Variants in HHIPL1 observed in about 807,000 individuals in gnomAD.
HHIPL1 encodes HHIP-like protein 1.
HHIPL1 carries 43 observed loss-of-function variants against 61.8 expected under a neutral mutation model. The observed-to-expected ratio is 0.70, with a 90% confidence interval of 0.55 to 0.90. HHIPL1 has a LOEUF of 0.90. Ranked by LOEUF, HHIPL1 falls within the 40% of genes least tolerant of loss-of-function variation. The pLI is 0.00. For synonymous variants in HHIPL1, 482 were observed against 515.8 expected, an observed-to-expected ratio of 0.93 and a Z score of 0.89; for missense variants, 1,056 against 1,157.7, an observed-to-expected ratio of 0.91 and a Z score of 1.28.
At chr14:99,653,234 CGGGG>C (rs1426880148) in intron 2 of HHIPL1, among the ~76,000 whole-genome samples, 1 of 152,162 alleles carries the variant, frequency 6.6e-6, no homozygotes, top group African/African-American at 2.4e-5. Context: ...TTGGGTCACA[CGGGG>C]AGGGAGGGTC....
the HHIPL1 span, among the ~76,000 whole-genome samples, chr14:99,617,693 G>C: frequency 1.3e-5 from 2 of 152,156 alleles, no homozygotes; most frequent in Admixed American, 6.5e-5. Context: ...CAAGTAAGGA[G>C]GGCGAGAAAT....
At chr14:99,624,479 C>G in the HHIPL1 span, among the ~76,000 whole-genome samples, 1 of 152,304 alleles carries the variant, frequency 6.6e-6, no homozygotes, top group South Asian at 2.1e-4. Flanking sequence ...CTTACCAACT[C>G]CCATATGGTC....
the HHIPL1 span, among the ~76,000 whole-genome samples, chr14:99,609,602 A>T: frequency 2.4e-3 from 358 of 152,290 alleles, 2 homozygotes; most frequent in African/African-American, 8.3e-3. Context: ...CAACTCCCAC[A>T]TTTATAGGTG....
the HHIPL1 span, among the ~76,000 whole-genome samples, chr14:99,611,741 GTT>G: frequency 1.5e-4 from 22 of 147,428 alleles, no homozygotes; most frequent in East Asian, 5.9e-4. Context: ...TTTTTGGGTT[GTT>G]TTTTTTTTTT....
chr14:99,675,310 C>T lies in HHIPL1; in HGVS notation c.2033C>T (p.Pro678Leu). Residue 678 changes from proline to leucine, a missense_variant, in exon 9 of 9, where the codon CCC (proline) becomes CTC (leucine). Pro to Leu is a moderately conservative substitution (Grantham distance 98). Coordinates refer to ENST00000330710, the MANE Select transcript of HHIPL1 (RefSeq NM_001127258.3). This position sits in a 1 kb window ranked among gnomAD's most constrained non-coding sequence, Gnocchi z 5.4. Reference protein sequence around the residue: ...FRDGEVRLVRPAGLSSGSGRV... With the variant: ...FRDGEVRLVRLAGLSSGSGRV... ...GATGGCGAGGTGCGCCTGGTGCGGC[C>T]CGCGGGCCTGAGCTCTGGCAGCGGG... The T allele has an allele frequency of 7.4e-7, 1 of 1,353,180 alleles. No homozygotes were observed. The highest frequency in any genetic ancestry group is 3.1e-5 in the East Asian group (1 of 32,360). 83.8% of individuals were successfully genotyped at this position (1,353,180 alleles called of 1,614,324 possible).
At chr14:99,673,203 G>C (rs910927848) in intron 8 of HHIPL1, among the ~76,000 whole-genome samples, 1 of 152,032 alleles carries the variant, frequency 6.6e-6, no homozygotes, top group African/African-American at 2.4e-5. Flanking sequence ...CTAGGCACCT[G>C]GGCTGAAGAG....
At chr14:99,655,864 C>A (rs1318359021) in intron 2 of HHIPL1, among the ~76,000 whole-genome samples, 1 of 152,206 alleles carries the variant, frequency 6.6e-6, no homozygotes, top group Non-Finnish European at 1.5e-5. Flanking sequence ...GACTTTGCTG[C>A]TCTTAGTACC....
the HHIPL1 span, among the ~76,000 whole-genome samples, chr14:99,629,059 G>C: frequency 3.9e-5 from 6 of 152,176 alleles, no homozygotes; most frequent in South Asian, 8.3e-4. Flanking sequence ...AGCCACCTGG[G>C]CCCAGCATGT....
chr14:99,630,493 TCA>T, the HHIPL1 span, among the ~76,000 whole-genome samples: 2 of 152,178 alleles, frequency 1.3e-5, no homozygotes, highest in Non-Finnish European at 2.9e-5. Flanking sequence ...TCCCTGAGCC[TCA>T]GTTTTCTCAT....
chr14:99,609,827 C>G, the HHIPL1 span, among the ~76,000 whole-genome samples: 29 of 152,316 alleles, frequency 1.9e-4, no homozygotes, highest in Non-Finnish European at 3.4e-4. Context: ...CCCAAAGGGC[C>G]TCACATGTTG....
chr14:99,621,709 C>CTTTTTTTTTTTTTTTTTTTTTT, the HHIPL1 span, among the ~76,000 whole-genome samples: 24 of 84,526 alleles, frequency 2.8e-4, 1 homozygote, highest in East Asian at 1.0e-3. Flanking sequence ...CTTTTCTTTT[C>CTTTTTTTTTTTTTTTTTTTTTT]TTTTTTTTTT....
At chr14:99,644,219 A>G (rs924760059), upstream of HHIPL1, among the ~76,000 whole-genome samples, 2 of 152,178 alleles carry the variant, frequency 1.3e-5, no homozygotes, top group Non-Finnish European at 1.5e-5. Context: ...AGACCTGCAG[A>G]GGACGGATGT....
chr14:99,606,862 GC>G, the HHIPL1 span, among the ~76,000 whole-genome samples: 1 of 152,104 alleles, frequency 6.6e-6, no homozygotes, highest in East Asian at 1.9e-4. Flanking sequence ...AGGTGAGAGG[GC>G]CCAGGGCTGA....
chr14:99,629,474 G>C, the HHIPL1 span, among the ~76,000 whole-genome samples: 2 of 151,824 alleles, frequency 1.3e-5, no homozygotes, highest in African/African-American at 4.8e-5. Context: ...GGGTAGGAGG[G>C]ACCCGTGTTC....
the HHIPL1 span, among the ~76,000 whole-genome samples, chr14:99,628,977 C>T: frequency 1.3e-5 from 2 of 152,196 alleles, no homozygotes; most frequent in African/African-American, 2.4e-5. Context: ...CTGGTCACCG[C>T]GGCGCTGTGC....
chr14:99,651,454 A>G (rs1353077819), intron 1 of HHIPL1, among the ~76,000 whole-genome samples: 1 of 152,188 alleles, frequency 6.6e-6, no homozygotes, highest in African/African-American at 2.4e-5. Context: ...AGCAGCAGCA[A>G]GAGAGAGATG....
intron 2 of HHIPL1, among the ~76,000 whole-genome samples, 161 bp from the exon 3 acceptor site, chr14:99,656,839 G>GAAA (rs1566809908): frequency 3.7e-3 from 11 of 2,942 alleles, no homozygotes; most frequent in African/African-American, 8.2e-3. Context: ...AAGAAAGAAA[G>GAAA]GAAGGAAGGA....
At chr14:99,614,263 C>T in the HHIPL1 span, among the ~76,000 whole-genome samples, 1 of 152,154 alleles carries the variant, frequency 6.6e-6, no homozygotes, top group African/African-American at 2.4e-5. Context: ...TGCCCCGGAG[C>T]CCAGAGTCTT....
chr14:99,616,513 G>A, the HHIPL1 span, among the ~76,000 whole-genome samples: 3 of 152,204 alleles, frequency 2.0e-5, no homozygotes, highest in Non-Finnish European at 2.9e-5. Flanking sequence ...AAAGGCAAGC[G>A]AGAGTGTCTC....
Sources: gnomAD v4.1 joint callset for allele counts (sites outside exome capture counted in the v4.1 genomes callset) on GRCh38, gnomAD v4.1.1 for gene constraint, Gnocchi (gnomAD v3.1) non-coding constraint, MANE v1.5 for transcripts, NCBI Gene and HGNC (gene_info 2026-07-23, HGNC 2026-07-21) for gene names.